Variants in PLEKHG4B observed in about 807,000 individuals in gnomAD.
PLEKHG4B encodes the protein pleckstrin homology and RhoGEF domain containing G4B.
PLEKHG4B carries 111 observed loss-of-function variants against 121.3 expected under a neutral mutation model. That is an observed-to-expected ratio of 0.92 (90% CI 0.78 to 1.07). The LOEUF is 1.07. Ranked by LOEUF, PLEKHG4B falls within the 50% of genes least tolerant of loss-of-function variation. The pLI is 0.00. For missense variants in PLEKHG4B, 1,831 were observed against 1,757.8 expected (o/e 1.04, Z -0.74); for synonymous variants, 738 against 725.0 (o/e 1.02, Z -0.29).
At chr5:127,343 A>T (rs866377069) in intron 2 of PLEKHG4B, among the ~76,000 whole-genome samples, 28 of 134,338 alleles carry the variant, frequency 2.1e-4, no homozygotes, top group African/African-American at 7.2e-4. Flanking sequence ...GTTGGTTTTT[A>T]TTATTATTAT....
intron 2 of PLEKHG4B, among the ~76,000 whole-genome samples, chr5:132,316 A>T (rs1279467341): frequency 1.3e-5 from 2 of 152,194 alleles, no homozygotes; most frequent in Non-Finnish European, 2.9e-5. Flanking sequence ...GGATGTATAG[A>T]TTGCAAAGAT....
In PLEKHG4B at chr5:181,494, C is replaced by T. The variant is rs758876951; in HGVS notation, c.4403-20C>T. The T allele has an allele frequency of 2.5e-6, 4 of 1,609,786 alleles. No individual in the cohort carries two copies. The highest frequency in any genetic ancestry group is 3.4e-6 in the Non-Finnish European group (4 of 1,177,616). On this transcript the variant is annotated intron_variant, in intron 18 of 19. Coordinates refer to ENST00000637938, the MANE Select transcript of PLEKHG4B (RefSeq NM_052909.5). ...GCCCCCGAGTTGCTTTGGAAACTGT[C>T]ATACTTTCTTCTGTCTTAGAACTCA...
At chr5:150,381 G>T (rs759108314) in intron 6 of PLEKHG4B, among the ~76,000 whole-genome samples, 1 of 152,132 alleles carries the variant, frequency 6.6e-6, no homozygotes, top group Non-Finnish European at 1.5e-5. Flanking sequence ...TCTTTTACGG[G>T]TGCAGGGTTT....
chr5:115,544 C>A (rs551600555), intron 2 of PLEKHG4B, among the ~76,000 whole-genome samples: 1 of 152,238 alleles, frequency 6.6e-6, no homozygotes, highest in East Asian at 1.9e-4. Context: ...AAGTCCCAGA[C>A]AGCATCTTCT....
At chr5:178,116 G>A (rs893633486) in intron 18 of PLEKHG4B, among the ~76,000 whole-genome samples, 4 of 152,192 alleles carry the variant, frequency 2.6e-5, no homozygotes, top group Non-Finnish European at 4.4e-5. Flanking sequence ...TCCCTTTTCT[G>A]GTGGGGTCCC....
chr5:170,972 C>T, intron 14 of PLEKHG4B, 71 bp from the exon 15 acceptor site: 1 of 1,312,764 alleles, frequency 7.6e-7, no homozygotes, highest in Non-Finnish European at 1.1e-6. Context: ...CAAGTCTGAC[C>T]CGGGCTGCGG....
intron 1 of PLEKHG4B, among the ~76,000 whole-genome samples, chr5:95,163 A>G (rs1393989564): frequency 6.6e-6 from 1 of 152,210 alleles, no homozygotes; most frequent in African/African-American, 2.4e-5. Context: ...TGTGCAAAAG[A>G]GATACTTTGT....
intron 1 of PLEKHG4B, among the ~76,000 whole-genome samples, chr5:93,813 T>G (rs929815830): frequency 1.1e-4 from 17 of 152,198 alleles, no homozygotes; most frequent in African/African-American, 3.9e-4. Context: ...CCAGAAATGC[T>G]GGGCTGAGGA....
chr5:163,089 C>A lies in PLEKHG4B; in HGVS notation c.3017C>A (p.Ala1006Glu), dbSNP rs371920681. 6.4e-7 allele frequency: 1 copy of A among 1,564,874 alleles called. No homozygotes were observed. Among genetic ancestry groups the A allele is most frequent in the East Asian group, 2.4e-5 (1 of 42,406 alleles). The change falls in exon 13 of 20, where the codon GCG (alanine) becomes GAG (glutamate). Residue 1006 changes from alanine to glutamate, a missense_variant. By Grantham distance (107) the Ala-to-Glu change is moderately radical. Coordinates refer to ENST00000637938, the MANE Select transcript of PLEKHG4B (RefSeq NM_052909.5). ...AGTGGGGGTGGTGCCTGGGAACCTG[C>A]GCAACCACTGTCCGGCCTCCCTGGA... ...TDSGGGAWEP[A>E]QPLSGLPGRA...
At chr5:138,764 G>A (rs1292170492) in intron 2 of PLEKHG4B, among the ~76,000 whole-genome samples, 1 of 152,214 alleles carries the variant, frequency 6.6e-6, no homozygotes, top group Non-Finnish European at 1.5e-5. Flanking sequence ...GGGGCTCTAG[G>A]CCCCAAGATG....
chr5:119,567 C>T (rs536053554), intron 2 of PLEKHG4B, among the ~76,000 whole-genome samples: 27 of 152,204 alleles, frequency 1.8e-4, no homozygotes, highest in African/African-American at 5.8e-4. Flanking sequence ...AATAAGAAAC[C>T]CCTAGAGGAG....
intron 13 of PLEKHG4B, among the ~76,000 whole-genome samples, chr5:166,664 A>G (rs1407122264): frequency 6.6e-6 from 1 of 152,074 alleles, no homozygotes; most frequent in African/African-American, 2.4e-5. Flanking sequence ...CTGGTTCCTA[A>G]TAGGCCACAG....
At chr5:138,107 A>G (rs1334960859) in intron 2 of PLEKHG4B, among the ~76,000 whole-genome samples, 2 of 152,296 alleles carry the variant, frequency 1.3e-5, no homozygotes, top group East Asian at 3.9e-4. Flanking sequence ...TTAAATGACC[A>G]CTTGGATTTG....
chr5:161,859 G>A lies in PLEKHG4B; in HGVS notation c.2564G>A (p.Arg855Lys). 1 of 1,613,888 alleles carries A rather than the reference G, an allele frequency of 6.2e-7. No individual in the cohort carries two copies. The highest frequency in any genetic ancestry group is 8.5e-7 in the Non-Finnish European group (1 of 1,180,028). The change falls in exon 12 of 20, where the codon AGG becomes AAG. Residue 855 changes from arginine (R) to lysine (K), a missense_variant. Coordinates refer to ENST00000637938, the MANE Select transcript of PLEKHG4B (RefSeq NM_052909.5). ...GAGGAAATGGTCCAGGATTTCAGAA[G>A]GGGCCTGAGCGCCGTGGTCAGCCAG... ...RTEEMVQDFR[R>K]GLSAVVSQAE...
chr5:147,787 TAAAGA>T (rs1264065610), intron 6 of PLEKHG4B, among the ~76,000 whole-genome samples: 1 of 152,100 alleles, frequency 6.6e-6, no homozygotes, highest in Non-Finnish European at 1.5e-5. Context: ...ACACTAAAAG[TAAAGA>T]AAACTGTAGA....
At chr5:132,629 G>A (rs1734811719) in intron 2 of PLEKHG4B, among the ~76,000 whole-genome samples, 1 of 152,180 alleles carries the variant, frequency 6.6e-6, no homozygotes, top group African/African-American at 2.4e-5. Context: ...GATTATCCCA[G>A]CACTATCTGT....
intron 2 of PLEKHG4B, among the ~76,000 whole-genome samples, chr5:136,654 A>G (rs982401327): frequency 6.6e-6 from 1 of 152,218 alleles, no homozygotes; most frequent in Non-Finnish European, 1.5e-5. Flanking sequence ...AAGGAAAAAC[A>G]CCATTAAAGG....
In PLEKHG4B at chr5:155,191, G is replaced by A. The variant is rs370231287; in HGVS notation, c.2110-154G>A. On this transcript the variant is annotated intron_variant, in intron 8 of 19. Transcript: ENST00000637938. ...GAGCCCGGGTGGGAAGGGCACTGCC[G>A]CCCCGGAAGTGTCTGTAGATCTCAG... 5.3e-5 allele frequency among the ~76,000 whole-genome samples: 8 copies of A among 152,182 alleles called. No individual in the cohort carries two copies. The South Asian group carries it at 8.3e-4, about 16-fold the overall frequency.
intron 13 of PLEKHG4B, among the ~76,000 whole-genome samples, chr5:164,295 CAT>C (rs993831277): frequency 1.3e-5 from 2 of 152,234 alleles, no homozygotes; most frequent in African/African-American, 4.8e-5. Flanking sequence ...GTTAGATTCT[CAT>C]AAGGAGCACG....
Sources: allele counts gnomAD v4.1 joint callset (sites outside exome capture counted in the v4.1 genomes callset), GRCh38; gene constraint gnomAD v4.1.1; transcripts MANE v1.5; gene names NCBI Gene and HGNC (gene_info 2026-07-23, HGNC 2026-07-21).